The following TYRP1 variants were observed in gnomAD, a reference collection of about 807,000 sequenced individuals.
The protein encoded by TYRP1 is 5,6-dihydroxyindole-2-carboxylic acid oxidase.
Under a neutral mutation model 42.8 loss-of-function variants are expected in TYRP1, and 49 were observed. That is an observed-to-expected ratio of 1.14 (90% confidence interval 0.91 to 1.45). The LOEUF is 1.45. Ranked by LOEUF, TYRP1 falls within the 40% of genes most tolerant of loss-of-function variation. The pLI is 0.00. For synonymous variants in TYRP1, 279 were observed against 235.4 expected (o/e 1.19, Z -1.69); for missense variants, 848 against 662.0 (o/e 1.28, Z -3.08).
At chr9:12,695,316 AG>A (rs1818057734) in intron 2 of TYRP1, among the ~76,000 whole-genome samples, 198 bp from the exon 3 acceptor site, 1 of 152,190 alleles carries the variant, frequency 6.6e-6, no homozygotes, top group African/African-American at 2.4e-5. Flanking sequence ...AATTGGAGAG[AG>A]AAAAGGGAAG....
intron 5 of TYRP1, 57 bp downstream of exon 5, chr9:12,702,495 A>C (rs2118249490): frequency 1.3e-6 from 2 of 1,555,780 alleles, no homozygotes; most frequent in Admixed American, 1.8e-5. Context: ...AAACTGAATT[A>C]TTCAAAAGCA....
rs756589047 is a variant in TYRP1, at chr9:12,694,339, C to G, written c.343C>G (p.Pro115Ala). The change falls in exon 2 of 8, where the codon CCT (proline) becomes GCT (alanine). Residue 115 changes from proline (P) to alanine (A), a missense_variant. Coordinates refer to ENST00000388918, the MANE Select transcript of TYRP1 (RefSeq NM_000550.3). Reference protein sequence around the residue: ...FSGHNCGTCRPGWRGAACDQR... With the variant: ...FSGHNCGTCRAGWRGAACDQR... ...AGGACACAACTGTGGGACGTGCCGT[C>G]CTGGCTGGAGAGGAGCTGCCTGTGA... The G allele has an allele frequency of 3.1e-6, 5 of 1,613,914 alleles. No homozygotes were observed. The African/African-American group carries it at 5.3e-5, about 17-fold the overall frequency.
In TYRP1 at chr9:12,695,683, A is replaced by G. The variant is rs376155082; in HGVS notation, c.554A>G (p.Tyr185Cys). The part of the protein sequence containing the change: ...NTPQFENISI[Y>C]NYFVWTHYYS... Reference sequence around the variant, plus strand: ...CCACAATTTGAGAACATTTCCATTTATAACTACTTTGTTTGGACACACTAT... The same window carrying G: ...CCACAATTTGAGAACATTTCCATTTGTAACTACTTTGTTTGGACACACTAT... Residue 185 changes from tyrosine to cysteine, a missense_variant, in exon 3 of 8, where the codon TAT becomes TGT. By Grantham distance (194) the Tyr-to-Cys change is radical (BLOSUM62 -2). Transcript: ENST00000388918. The G allele has an allele frequency of 4.3e-6, 7 of 1,614,098 alleles. No individual in the cohort carries two copies. In the African/African-American group the frequency reaches 8.0e-5, roughly 18 times the overall value.
Position 12,702,276 on chromosome 9 carries a change from G to C in TYRP1, c.919G>C (p.Glu307Gln). 1 of 1,612,848 alleles carries C rather than the reference G, an allele frequency of 6.2e-7. No homozygotes were observed. The highest frequency in any genetic ancestry group is 8.5e-7 in the Non-Finnish European group (1 of 1,179,318). ...DTLGTLCNST[E>Q]DGPIRRNPAG... ...CATCCCATTTTTTTCTGCAGGCACC[G>C]AGGATGGGCCAATTAGGAGAAATCC... The change falls in exon 5 of 8, where the codon GAG becomes CAG. Residue 307 changes from glutamate (E) to glutamine (Q), a missense_variant. Physicochemically the swap from Glu to Gln is conservative, Grantham distance 29 (BLOSUM62 2). Transcript: ENST00000388918.
intron 5 of TYRP1, among the ~76,000 whole-genome samples, chr9:12,704,145 C>G (rs995366241): frequency 6.6e-6 from 1 of 151,924 alleles, no homozygotes; most frequent in Non-Finnish European, 1.5e-5. Flanking sequence ...CCAAGACAAC[C>G]AGAGCATTCT....
At chr9:12,705,899 T>A (rs1432376716) in intron 6 of TYRP1, among the ~76,000 whole-genome samples, 1 of 152,058 alleles carries the variant, frequency 6.6e-6, no homozygotes. Flanking sequence ...CATGTGTATT[T>A]ATATACATAA....
At chr9:12,703,890 T>C (rs989210906) in intron 5 of TYRP1, among the ~76,000 whole-genome samples, 8 of 139,214 alleles carry the variant, frequency 5.7e-5, no homozygotes, top group African/African-American at 2.0e-4. Flanking sequence ...TATATGTGTG[T>C]GTGTGTGTGT....
Position 12,694,331 on chromosome 9 carries a change from C to A in TYRP1, c.335C>A (p.Thr112Lys). 6.2e-7 allele frequency: 1 copy of A among 1,614,060 alleles called. No homozygotes were observed. Among genetic ancestry groups the A allele is most frequent in the Non-Finnish European group, 8.5e-7 (1 of 1,180,014 alleles). ...NGNFSGHNCG[T>K]CRPGWRGAAC... ...AATTTCTCAGGACACAACTGTGGGA[C>A]GTGCCGTCCTGGCTGGAGAGGAGCT... Residue 112 changes from threonine to lysine, a missense_variant, in exon 2 of 8, where the codon ACG (threonine) becomes AAG (lysine). Thr to Lys is a moderately conservative substitution (Grantham distance 78). Transcript: ENST00000388918.
chr9:12,695,931 A>T, intron 3 of TYRP1, 94 bp downstream of exon 3: 1 of 1,394,996 alleles, frequency 7.2e-7, no homozygotes, highest in Non-Finnish European at 9.9e-7. Flanking sequence ...AATCATCAGA[A>T]CATTTGATGA....
At chr9:12,695,251 A>C (rs1380592291) in intron 2 of TYRP1, among the ~76,000 whole-genome samples, 1 of 152,236 alleles carries the variant, frequency 6.6e-6, no homozygotes, top group Non-Finnish European at 1.5e-5. Context: ...ACAAGGTCAC[A>C]GAAACATAAA....
chr9:12,702,153 T>G, intron 4 of TYRP1, 118 bp from the exon 5 acceptor site: 1 of 1,090,430 alleles, frequency 9.2e-7, no homozygotes, highest in Non-Finnish European at 1.3e-6. Context: ...TTTTAAATTT[T>G]CTTTTCTACC....
At chr9:12,700,210 T>C (rs1389775589) in intron 4 of TYRP1, 2 of 152,060 alleles carry the variant, frequency 1.3e-5, no homozygotes, top group Non-Finnish European at 2.9e-5. Context: ...CTTCTATTAC[T>C]GTTCTTCTTT....
rs1006799934 is a variant in TYRP1 at position 12,709,049 on chromosome 9, T to G, written c.1481T>G (p.Phe494Cys). 6.2e-7 allele frequency: 1 copy of G among 1,612,894 alleles called. No homozygotes were observed. ...GCTTTGTTACTGGTTGCACTCATTTTTGGGACTGCTTCTTATCTGATTCGT... is the reference window on the plus strand; with the variant it reads ...GCTTTGTTACTGGTTGCACTCATTTGTGGGACTGCTTCTTATCTGATTCGT... ...VGALLLVALI[F>C]GTASYLIRAR... The change falls in exon 8 of 8, where the codon TTT (phenylalanine) becomes TGT (cysteine). Residue 494 changes from phenylalanine to cysteine, a missense_variant. Phe to Cys is a radical substitution (Grantham distance 205). Transcript: ENST00000388918.
intron 4 of TYRP1, 44 bp from the exon 5 acceptor site, chr9:12,702,227 C>G (rs548503742): frequency 1.9e-6 from 3 of 1,599,028 alleles, no homozygotes; most frequent in South Asian, 2.2e-5. Context: ...AATAAGAACT[C>G]CAAACATTGT....
At chr9:12,702,523 T>C in intron 5 of TYRP1, 85 bp downstream of exon 5, 2 of 1,333,152 alleles carry the variant, frequency 1.5e-6, no homozygotes, top group Non-Finnish European at 2.1e-6. Context: ...TTGAGAAGGC[T>C]TTGAATAGTA....
intron 5 of TYRP1, among the ~76,000 whole-genome samples, chr9:12,703,532 T>C (rs1373668922): frequency 6.6e-6 from 1 of 151,920 alleles, no homozygotes; most frequent in African/African-American, 2.4e-5. Context: ...ACAATTATAC[T>C]TATTTCCTGA....
chr9:12,698,582 C>A lies in TYRP1; in HGVS notation c.840C>A (p.Asn280Lys), dbSNP rs750211458. The change falls in exon 4 of 8, where the codon AAC becomes AAA. Residue 280 changes from asparagine (N) to lysine (K), a missense_variant. Coordinates refer to ENST00000388918, the MANE Select transcript of TYRP1 (RefSeq NM_000550.3). Reference sequence around the variant, plus strand: ...TTGATTCCACTCTAATAAGCCCAAACTCTGTCTTTTCTCAATGGCGAGTGG... The same window carrying A: ...TTGATTCCACTCTAATAAGCCCAAAATCTGTCTTTTCTCAATGGCGAGTGG... Reference protein sequence around the residue: ...SNFDSTLISPNSVFSQWRVVC... With the variant: ...SNFDSTLISPKSVFSQWRVVC... 1.1e-5 allele frequency: 18 copies of A among 1,613,696 alleles called. No individual in the cohort carries two copies. The Admixed American group carries it at 2.3e-4, about 21-fold the overall frequency.
intron 6 of TYRP1, among the ~76,000 whole-genome samples, chr9:12,705,848 A>T (rs1818249589): frequency 6.6e-6 from 1 of 152,018 alleles, no homozygotes; most frequent in African/African-American, 2.4e-5. Flanking sequence ...GTTAGTTTTC[A>T]ATCAGTTATG....
chr9:12,710,062 A>G lies in TYRP1; in HGVS notation c.*880A>G, dbSNP rs1249569509. 6.6e-6 allele frequency: 1 copy of G among 151,518 alleles called. No individual in the cohort carries two copies. The highest frequency in any genetic ancestry group is 1.5e-5 in the Non-Finnish European group (1 of 67,720). 9.4% of individuals were successfully genotyped at this position (151,518 alleles called of 1,614,324 possible). ...CTTATCATTTATCAGCCTTTTATGT[A>G]TTTTCCAAGTAAAATATTAACATAT... On this transcript the variant is annotated 3_prime_UTR_variant, in exon 8 of 8. Transcript: ENST00000388918.
Sources: gnomAD v4.1 joint callset for allele counts (sites outside exome capture counted in the v4.1 genomes callset) on GRCh38, gnomAD v4.1.1 for gene constraint, MANE v1.5 for transcripts, NCBI Gene and HGNC (gene_info 2026-07-23, HGNC 2026-07-21) for gene names.